The following SCN2A variants were observed in gnomAD, a reference collection of about 807,000 sequenced individuals.
The protein encoded by SCN2A is sodium channel protein type 2 subunit alpha.
A neutral mutation model predicts 188.7 loss-of-function variants in SCN2A; 20 were observed. That is an observed-to-expected ratio of 0.11 (90% CI 0.07 to 0.15). The LOEUF is 0.15. SCN2A is among the 10% of genes least tolerant of loss of function. SCN2A has a pLI of 1.00. For synonymous variants in SCN2A, 804 were observed against 833.1 expected (o/e 0.97, Z 0.60); for missense variants, 1,278 against 2,445.0 (o/e 0.52, Z 10.07).
At chr2:165,386,232 G>A (rs1290770833) in intron 25 of SCN2A, among the ~76,000 whole-genome samples, 5 of 152,020 alleles carry the variant, frequency 3.3e-5, no homozygotes, top group Non-Finnish European at 7.4e-5. Flanking sequence ...TTGGGAGGTC[G>A]AGGTGGGCAG....
At chr2:165,314,731 G>A (rs1360179817) in intron 10 of SCN2A, among the ~76,000 whole-genome samples, 1 of 152,104 alleles carries the variant, frequency 6.6e-6, no homozygotes, top group African/African-American at 2.4e-5. Context: ...AATAAGGCAA[G>A]AATTTCTCTA....
Position 165,264,500 on chromosome 2 carries a change from G to C in SCN2A, c.-52+24860G>C, listed in dbSNP as rs942295843. Reference sequence around the variant, plus strand: ...ACAGACCCACAGACGACATCATAGTGAATGGAGAAAAGTTGAAAGCATTCC... The same window carrying C: ...ACAGACCCACAGACGACATCATAGTCAATGGAGAAAAGTTGAAAGCATTCC... On this transcript the variant is annotated intron_variant, in intron 1 of 26. Coordinates refer to ENST00000375437, the MANE Select transcript of SCN2A (RefSeq NM_001040142.2). Among the ~76,000 whole-genome samples the C allele has an allele frequency of 7.9e-5, 12 of 152,076 alleles. 1 individual carries two copies. The highest frequency in any genetic ancestry group is 1.8e-4 in the Non-Finnish European group (12 of 67,992).
intron 20 of SCN2A, chr2:165,370,920 A>T (rs532926830): frequency 6.5e-6 from 1 of 153,704 alleles, no homozygotes; most frequent in Non-Finnish European, 1.4e-5. Flanking sequence ...TATTAAATGT[A>T]TAAAGGTTAC....
intron 25 of SCN2A, among the ~76,000 whole-genome samples, chr2:165,382,312 C>A (rs1337720098): frequency 6.6e-6 from 1 of 151,948 alleles, no homozygotes; most frequent in Non-Finnish European, 1.5e-5. Flanking sequence ...AACAGAACAG[C>A]CTAGTAATGT....
intron 13 of SCN2A, 38 bp from the exon 14 acceptor site, chr2:165,331,292 A>C: frequency 2.1e-6 from 3 of 1,433,950 alleles, no homozygotes; most frequent in Non-Finnish European, 3.0e-6. Context: ...ATAGAAAGTA[A>C]GCAGTTTTCA....
At chr2:165,253,635 C>T (rs1288809190) in intron 1 of SCN2A, among the ~76,000 whole-genome samples, 1 of 151,936 alleles carries the variant, frequency 6.6e-6, no homozygotes, top group Non-Finnish European at 1.5e-5. Flanking sequence ...GCCCACAAAG[C>T]CAAAATTATT....
chr2:165,262,054 C>T (rs1401555164), intron 1 of SCN2A, among the ~76,000 whole-genome samples: 1 of 152,120 alleles, frequency 6.6e-6, no homozygotes, highest in Non-Finnish European at 1.5e-5. Flanking sequence ...GGTTGCAATA[C>T]GGTCTGGATG....
intron 12 of SCN2A, among the ~76,000 whole-genome samples, chr2:165,324,440 G>A (rs1391802870): frequency 6.6e-6 from 1 of 152,022 alleles, no homozygotes; most frequent in Non-Finnish European, 1.5e-5. Context: ...TCTTATCTTG[G>A]ATTATAAAAT....
intron 3 of SCN2A, 117 bp downstream of exon 3, chr2:165,297,252 C>G: frequency 1.5e-6 from 1 of 678,600 alleles, no homozygotes; most frequent in Non-Finnish European, 2.7e-6. Flanking sequence ...TTTTTCTTTC[C>G]TTTTACTCAA....
At chr2:165,265,471 C>CTATA (rs1178289931) in intron 1 of SCN2A, among the ~76,000 whole-genome samples, 3,009 of 28,674 alleles carry the variant, frequency 0.1, 382 homozygotes, top group Non-Finnish European at 0.14. Context: ...CTCTGTTGAT[C>CTATA]TATATATATA....
In SCN2A at chr2:165,331,430, C is replaced by A; in HGVS notation, c.2250C>A (p.His750Gln). 1 of 1,613,784 alleles carries A rather than the reference C, an allele frequency of 6.2e-7. No homozygotes were observed. The highest frequency in any genetic ancestry group is 8.5e-7 in the Non-Finnish European group (1 of 1,179,762). The change falls in exon 14 of 27, where the codon CAC (histidine) becomes CAA (glutamine). Residue 750 changes from histidine (H) to glutamine (Q), a missense_variant. Coordinates refer to ENST00000375437, the MANE Select transcript of SCN2A (RefSeq NM_001040142.2). The stretch of plus-strand genomic sequence containing the variant: ...GTAAACCATGGTTAAAGGTGAAACA[C>A]CTTGTCAACCTGGTTGTAATGGACC... ...DCCKPWLKVK[H>Q]LVNLVVMDPF...
intron 17 of SCN2A, among the ~76,000 whole-genome samples, chr2:165,357,015 A>G (rs753494042): frequency 1.5e-4 from 23 of 152,202 alleles, no homozygotes; most frequent in Non-Finnish European, 3.2e-4. Flanking sequence ...GAGTCCTTCC[A>G]ATACCTTCCC....
At position 165,365,260 on chromosome 2, in the gene SCN2A, G is replaced by A. The variant is rs764396478; in HGVS notation, c.3517G>A (p.Glu1173Lys). Residue 1173 changes from glutamate (E) to lysine (K), a missense_variant, in exon 18 of 27, where the codon GAA (glutamate) becomes AAA (lysine). Physicochemically the swap from Glu to Lys is moderately conservative, Grantham distance 56. Transcript: ENST00000375437. Reference protein sequence around the residue: ...ESLEPEACFTEDCVRKFKCCQ... With the variant: ...ESLEPEACFTKDCVRKFKCCQ... ...CCTTGAACCTGAAGCCTGTTTTACA[G>A]AAGGTAAGCAAAACAATAACATATG... The A allele has an allele frequency of 1.2e-6, 2 of 1,613,660 alleles. No individual in the cohort carries two copies. The highest frequency in any genetic ancestry group is 1.7e-6 in the Non-Finnish European group (2 of 1,179,844).
Position 165,312,015 on chromosome 2 carries a change from C to T in SCN2A, c.971-10C>T, listed in dbSNP as rs1305298237. ...TTAATGATTCTTTCTATTCCTTTCTCTTTAAATAGGTCACTTTTATTTTTT... is the reference window on the plus strand; with the variant it reads ...TTAATGATTCTTTCTATTCCTTTCTTTTTAAATAGGTCACTTTTATTTTTT... On this transcript the variant is annotated splice_polypyrimidine_tract_variant and intron_variant, in intron 7 of 26. Coordinates refer to ENST00000375437, the MANE Select transcript of SCN2A (RefSeq NM_001040142.2). 7 of 1,603,874 alleles carry T rather than the reference C, an allele frequency of 4.4e-6. No homozygotes were observed. The highest frequency in any genetic ancestry group is 1.3e-5 in the African/African-American group (1 of 74,724).
chr2:165,373,090 T>G, intron 20 of SCN2A, 135 bp from the exon 21 acceptor site: 1 of 953,352 alleles, frequency 1.0e-6, no homozygotes, highest in South Asian at 1.4e-5. Flanking sequence ...GCTATTGGTG[T>G]TTTTAACAAG....
At chr2:165,309,515 G>A in intron 6 of SCN2A, 72 bp downstream of exon 6, 6 of 1,570,320 alleles carry the variant, frequency 3.8e-6, no homozygotes, top group Non-Finnish European at 5.3e-6. Flanking sequence ...TTGTGCAGAA[G>A]CCTTGTTGCT....
intron 1 of SCN2A, among the ~76,000 whole-genome samples, chr2:165,244,578 G>A (rs551363655): frequency 4.6e-5 from 7 of 152,150 alleles, no homozygotes; most frequent in African/African-American, 1.4e-4. Context: ...AGAATCAAAG[G>A]TATTTAAGTA....
intron 7 of SCN2A, among the ~76,000 whole-genome samples, 181 bp from the exon 8 acceptor site, chr2:165,311,844 C>A (rs1697446465): frequency 6.6e-6 from 1 of 151,992 alleles, no homozygotes. Flanking sequence ...TTTGTATAAT[C>A]AAAAATGTTA....
chr2:165,318,161 C>T (rs1697865344), intron 11 of SCN2A, among the ~76,000 whole-genome samples: 1 of 152,110 alleles, frequency 6.6e-6, no homozygotes, highest in Non-Finnish European at 1.5e-5. Context: ...GTGTTGGTAA[C>T]CATCTCTGTG....
Sources: gnomAD v4.1 joint callset for allele counts (sites outside exome capture counted in the v4.1 genomes callset) on GRCh38, gnomAD v4.1.1 for gene constraint, MANE v1.5 for transcripts, NCBI Gene and HGNC (gene_info 2026-07-23, HGNC 2026-07-21) for gene names.